ST3GAL2: variants seen among roughly 807,000 people sequenced by gnomAD.
ST3GAL2 encodes ST3 beta-galactoside alpha-2,3-sialyltransferase 2.
ST3GAL2 carries 16 observed loss-of-function variants against 37.5 expected under a neutral mutation model. That is an observed-to-expected ratio of 0.43 (90% CI 0.29 to 0.65). The LOEUF (loss-of-function observed/expected upper bound fraction) is 0.65. ST3GAL2 is among the 30% of genes least tolerant of loss of function. The pLI is 0.17. For synonymous variants in ST3GAL2, 238 were observed against 202.9 expected, an observed-to-expected ratio of 1.17 and a Z score of -1.47; for missense variants, 383 against 487.8, an observed-to-expected ratio of 0.79 and a Z score of 2.02.
At chr16:70,406,691 G>C (rs1229522052) in intron 1 of ST3GAL2, among the ~76,000 whole-genome samples, 1 of 151,982 alleles carries the variant, frequency 6.6e-6, no homozygotes, top group Non-Finnish European at 1.5e-5. Context: ...TGAGGCAGGA[G>C]ACTCGCTTGA....
intron 1 of ST3GAL2, among the ~76,000 whole-genome samples, chr16:70,422,041 C>A (rs531457213): frequency 3.2e-4 from 49 of 152,280 alleles, no homozygotes; most frequent in African/African-American, 1.1e-3. Flanking sequence ...GCTGGAATTA[C>A]GGGCCTGAGC....
chr16:70,407,555 G>A (rs2047601090), intron 1 of ST3GAL2, among the ~76,000 whole-genome samples: 2 of 152,176 alleles, frequency 1.3e-5, no homozygotes, highest in African/African-American at 4.8e-5. Context: ...CTGTCCAGAG[G>A]AACTGGCAGC....
intron 1 of ST3GAL2, among the ~76,000 whole-genome samples, chr16:70,416,136 G>A (rs543527638): frequency 2.6e-5 from 4 of 152,184 alleles, no homozygotes; most frequent in Admixed American, 2.6e-4. Flanking sequence ...CCTCCCGGAT[G>A]ATCGCAGTGT....
Position 70,398,396 on chromosome 16 carries a change from C to G in ST3GAL2, c.135G>C (p.Thr45=). The part of the protein sequence containing the change: ...PYLDSGALDG[T]HRVKLVPGYA... The stretch of plus-strand genomic sequence containing the variant: ...AGCCGGGCACCAGCTTCACCCGGTG[C>G]GTCCCATCCAGGGCCCCTGAGTCCA... Residue 45 remains threonine (T), a synonymous_variant, in exon 2 of 7, where the codon ACG becomes ACC. Transcript: ENST00000342907. 6.2e-7 allele frequency: 1 copy of G among 1,613,634 alleles called. No homozygotes were observed.
At chr16:70,423,482 C>T (rs753027742) in intron 1 of ST3GAL2, among the ~76,000 whole-genome samples, 4 of 152,124 alleles carry the variant, frequency 2.6e-5, no homozygotes, top group Non-Finnish European at 5.9e-5. Context: ...TGCACTCCAA[C>T]CTGGGTGACA....
chr16:70,392,656 TG>T (rs1043160515), intron 3 of ST3GAL2, among the ~76,000 whole-genome samples: 8 of 151,816 alleles, frequency 5.3e-5, no homozygotes, highest in African/African-American at 1.5e-4. Flanking sequence ...GGCAGCGAGG[TG>T]GGTGGGGCAC....
At chr16:70,438,211 G>C (rs996036294) in intron 1 of ST3GAL2, among the ~76,000 whole-genome samples, 1 of 152,202 alleles carries the variant, frequency 6.6e-6, no homozygotes, top group Admixed American at 6.5e-5. Flanking sequence ...GAAGCTAAGG[G>C]GAGACTCAAG....
In ST3GAL2 at chr16:70,381,602, G is replaced by T; in HGVS notation, c.*87C>A. The T allele has an allele frequency of 6.6e-7, 1 of 1,504,490 alleles. No homozygotes were observed. The highest frequency in any genetic ancestry group is 8.9e-7 in the Non-Finnish European group (1 of 1,118,710). The allele number at this position is 1,504,490 out of a possible 1,614,324, so 93.2% of individuals were successfully genotyped here. A position where few individuals can be genotyped will look rare whatever the true frequency, so the allele number is the denominator to read the frequency against. ...AGCAGACGCCCCTGGGCTGCAGCATGATTGGTCGCGGGTTGCTGGTCCTGG... is the reference window on the plus strand; with the variant it reads ...AGCAGACGCCCCTGGGCTGCAGCATTATTGGTCGCGGGTTGCTGGTCCTGG... On this transcript the variant is annotated 3_prime_UTR_variant, in exon 7 of 7. Transcript: ENST00000342907.
At chr16:70,399,652 G>T in intron 1 of ST3GAL2, 119 bp from the exon 2 acceptor site, 2 of 388,482 alleles carry the variant, frequency 5.1e-6, no homozygotes, top group Non-Finnish European at 9.1e-6. Context: ...TAATCAGAGG[G>T]TGGACATGAC....
rs2047348210 is a variant in ST3GAL2, at chr16:70,376,693, G to A, written c.*4996C>T. The stretch of plus-strand genomic sequence containing the variant: ...TACCTTCCCTGATGCCTCTGACCTT[G>A]CCAGACAGTCACAGAAGGTACTTCC... On this transcript the variant is annotated 3_prime_UTR_variant, in exon 7 of 7. Transcript: ENST00000342907. 6.6e-6 allele frequency: 1 copy of A among 152,044 alleles called. No homozygotes were observed. Among genetic ancestry groups the A allele is most frequent in the Non-Finnish European group, 1.5e-5 (1 of 68,028 alleles). The allele number at this position is 152,044 out of a possible 1,614,324, so 9.4% of individuals were successfully genotyped here.
intron 1 of ST3GAL2, among the ~76,000 whole-genome samples, chr16:70,406,909 G>A (rs2047596173): frequency 6.6e-6 from 1 of 152,166 alleles, no homozygotes; most frequent in Non-Finnish European, 1.5e-5. Flanking sequence ...CCAGGAAAAA[G>A]AAGTGAACAG....
intron 2 of ST3GAL2, among the ~76,000 whole-genome samples, chr16:70,397,575 A>G (rs1417298727): frequency 6.6e-6 from 1 of 151,806 alleles, no homozygotes; most frequent in East Asian, 2.0e-4. Context: ...AATACAAAAA[A>G]ATTAGCTGAG....
At chr16:70,409,349 C>CT (rs925093024) in intron 1 of ST3GAL2, among the ~76,000 whole-genome samples, 160 of 145,030 alleles carry the variant, frequency 1.1e-3, no homozygotes, top group East Asian at 2.0e-3. Flanking sequence ...CCTCTGGCGG[C>CT]TTTTTTTTTT....
intron 3 of ST3GAL2, among the ~76,000 whole-genome samples, chr16:70,392,571 C>G (rs1425197129): frequency 6.6e-6 from 1 of 152,154 alleles, no homozygotes; most frequent in Non-Finnish European, 1.5e-5. Context: ...GATCTGCTGG[C>G]CAACTGAGGC....
At position 70,380,474 on chromosome 16, in the gene ST3GAL2, C is replaced by G. The variant is rs1362668590; in HGVS notation, c.*1215G>C. 6.6e-6 allele frequency: 1 copy of G among 152,340 alleles called. No individual in the cohort carries two copies. Among genetic ancestry groups the G allele is most frequent in the Non-Finnish European group, 1.5e-5 (1 of 68,150 alleles). The allele number at this position is 152,340 out of a possible 1,614,324, so 9.4% of individuals were successfully genotyped here. ...AGGGGGAGAATTCCACCAGCAGCCC[C>G]GTCAGGGACCTAAGCTGGGTTCAGC... On this transcript the variant is annotated 3_prime_UTR_variant, in exon 7 of 7. Coordinates refer to ENST00000342907, the MANE Select transcript of ST3GAL2 (RefSeq NM_006927.4).
intron 3 of ST3GAL2, among the ~76,000 whole-genome samples, 187 bp downstream of exon 3, chr16:70,394,795 T>A (rs1264115433): frequency 6.6e-6 from 1 of 152,228 alleles, no homozygotes; most frequent in African/African-American, 2.4e-5. Flanking sequence ...TTTGGGATTC[T>A]GTCTCCCCAT....
chr16:70,421,675 C>G (rs1004748215), intron 1 of ST3GAL2, among the ~76,000 whole-genome samples: 2 of 152,154 alleles, frequency 1.3e-5, no homozygotes, highest in Non-Finnish European at 2.9e-5. Context: ...GCCCAGGGCC[C>G]GCTTTCAAGC....
chr16:70,385,982 C>T (rs904676103), intron 4 of ST3GAL2, among the ~76,000 whole-genome samples: 5 of 152,042 alleles, frequency 3.3e-5, no homozygotes, highest in South Asian at 2.1e-4. Context: ...GCTGGGATTA[C>T]AGGTGTGAGC....
intron 1 of ST3GAL2, among the ~76,000 whole-genome samples, chr16:70,423,818 C>G (rs1049821912): frequency 1.3e-5 from 2 of 151,646 alleles, no homozygotes; most frequent in African/African-American, 4.8e-5. Flanking sequence ...CGCTTGTAAT[C>G]CCAGCACTTT....
Sources: gnomAD v4.1 joint callset for allele counts (sites outside exome capture counted in the v4.1 genomes callset) on GRCh38, gnomAD v4.1.1 for gene constraint, MANE v1.5 for transcripts, NCBI Gene and HGNC (gene_info 2026-07-23, HGNC 2026-07-21) for gene names.